The following SLC9A9 variants were observed in gnomAD, a reference collection of about 807,000 sequenced individuals.
SLC9A9 encodes solute carrier family 9 member A9, also known as sodium/hydrogen exchanger 9.
A neutral mutation model predicts 77.8 loss-of-function variants in SLC9A9; 62 were observed. The ratio of observed to expected loss-of-function variants is 0.80; its 90% confidence interval spans 0.65 to 0.98. The LOEUF is 0.98. Among genes scored for constraint, SLC9A9 ranks in the 50% least tolerant of loss-of-function variants. The pLI is 0.00. For synonymous variants in SLC9A9, 320 were observed against 283.5 expected, an observed-to-expected ratio of 1.13 and a Z score of -1.29; for missense variants, 775 against 774.9, an observed-to-expected ratio of 1.00 and a Z score of 0.00.
chr3:143,690,913 A>G (rs1027015197), intron 5 of SLC9A9, among the ~76,000 whole-genome samples: 10 of 152,216 alleles, frequency 6.6e-5, no homozygotes, highest in Admixed American at 5.2e-4. Flanking sequence ...GGATTAGATT[A>G]GCATACCACT....
intron 4 of SLC9A9, among the ~76,000 whole-genome samples, chr3:143,700,859 CT>C (rs1933777674): frequency 6.6e-6 from 1 of 152,246 alleles, no homozygotes; most frequent in South Asian, 2.1e-4. Context: ...AGACCCAGTG[CT>C]GTGCTGGCTT....
chr3:143,834,348 C>T (rs1211625741), intron 1 of SLC9A9, among the ~76,000 whole-genome samples: 3 of 152,152 alleles, frequency 2.0e-5, no homozygotes, highest in African/African-American at 4.8e-5. Flanking sequence ...ATCATCTACA[C>T]TCTACGTGGC....
intron 2 of SLC9A9, among the ~76,000 whole-genome samples, chr3:143,824,602 A>T (rs572227090): frequency 6.6e-6 from 1 of 152,330 alleles, no homozygotes; most frequent in Non-Finnish European, 1.5e-5. Flanking sequence ...CAGGAAGTTA[A>T]ACCCCATGAG....
intron 6 of SLC9A9, among the ~76,000 whole-genome samples, chr3:143,579,001 C>T (rs2037411697): frequency 6.6e-6 from 1 of 152,088 alleles, no homozygotes; most frequent in African/African-American, 2.4e-5. Context: ...GCAAACTAGG[C>T]ATTAAAACAT....
At chr3:143,565,230 T>C (rs571341588) in intron 8 of SLC9A9, among the ~76,000 whole-genome samples, 35 of 152,270 alleles carry the variant, frequency 2.3e-4, no homozygotes, top group African/African-American at 8.4e-4. Flanking sequence ...TATTCTCCAT[T>C]TTGGTGAAAT....
intron 14 of SLC9A9, among the ~76,000 whole-genome samples, chr3:143,296,181 CT>C (rs1490964856): frequency 1.3e-5 from 2 of 152,152 alleles, no homozygotes; most frequent in Non-Finnish European, 2.9e-5. Context: ...TACTATTCAT[CT>C]TGTGTAACTG....
chr3:143,385,555 C>T (rs1248290381), intron 12 of SLC9A9, among the ~76,000 whole-genome samples: 1 of 152,204 alleles, frequency 6.6e-6, no homozygotes, highest in Non-Finnish European at 1.5e-5. Flanking sequence ...ATGGAACTGA[C>T]ATTATTTTAG....
intron 6 of SLC9A9, among the ~76,000 whole-genome samples, chr3:143,604,803 T>G (rs575190330): frequency 6.6e-6 from 1 of 152,322 alleles, no homozygotes; most frequent in Non-Finnish European, 1.5e-5. Context: ...TTTACAGTAC[T>G]CCCACTCAGC....
At chr3:143,792,347 T>C (rs2008249278) in intron 4 of SLC9A9, among the ~76,000 whole-genome samples, 1 of 152,218 alleles carries the variant, frequency 6.6e-6, no homozygotes, top group Admixed American at 6.5e-5. Context: ...TCTTCAGAAG[T>C]TCTGAAATTA....
At chr3:143,679,694 G>A (rs946845101) in intron 5 of SLC9A9, among the ~76,000 whole-genome samples, 1 of 151,860 alleles carries the variant, frequency 6.6e-6, no homozygotes. Flanking sequence ...TCTCCAATAC[G>A]TATTGCCAAT....
chr3:143,821,492 A>G (rs2009165548), intron 2 of SLC9A9, among the ~76,000 whole-genome samples: 1 of 152,198 alleles, frequency 6.6e-6, no homozygotes, highest in Non-Finnish European at 1.5e-5. Flanking sequence ...TGAAAATGTG[A>G]TGCTCTAACA....
At chr3:143,298,734 A>G (rs931437911) in intron 14 of SLC9A9, among the ~76,000 whole-genome samples, 5 of 152,206 alleles carry the variant, frequency 3.3e-5, no homozygotes, top group Admixed American at 2.0e-4. Flanking sequence ...CCCAAAGACA[A>G]AGAAGATTAT....
intron 12 of SLC9A9, among the ~76,000 whole-genome samples, chr3:143,462,457 T>A (rs910667733): frequency 6.6e-5 from 10 of 152,310 alleles, no homozygotes; most frequent in African/African-American, 2.4e-4. Context: ...GCTAACAAAT[T>A]TTTTTACTGA....
At chr3:143,776,570 C>T (rs1244570044) in intron 4 of SLC9A9, among the ~76,000 whole-genome samples, 2 of 151,838 alleles carry the variant, frequency 1.3e-5, no homozygotes, top group Admixed American at 1.3e-4. Flanking sequence ...GGGCAATATG[C>T]CATTCAAAAT....
intron 14 of SLC9A9, among the ~76,000 whole-genome samples, chr3:143,321,966 C>A (rs2031437512): frequency 6.6e-6 from 1 of 152,170 alleles, no homozygotes; most frequent in Admixed American, 6.5e-5. Flanking sequence ...TCTACCCTAA[C>A]TGGATCATCT....
intron 6 of SLC9A9, among the ~76,000 whole-genome samples, chr3:143,626,517 C>CA (rs1216730572): frequency 2.7e-5 from 4 of 147,780 alleles, no homozygotes; most frequent in South Asian, 2.2e-4. Flanking sequence ...ATCGCAAGGA[C>CA]AAAAAACCAA....
chr3:143,588,296 G>T (rs1420821083), intron 6 of SLC9A9, among the ~76,000 whole-genome samples: 1 of 152,148 alleles, frequency 6.6e-6, no homozygotes, highest in East Asian at 1.9e-4. Context: ...GCCAGGAAAG[G>T]TAGTAAGGTA....
intron 13 of SLC9A9, among the ~76,000 whole-genome samples, chr3:143,376,348 G>A (rs898899438): frequency 6.6e-6 from 1 of 152,244 alleles, no homozygotes; most frequent in Admixed American, 6.5e-5. Context: ...TGGATGTGGT[G>A]CAATGGTGAG....
At chr3:143,453,565 G>A (rs1177462713) in intron 12 of SLC9A9, among the ~76,000 whole-genome samples, 1 of 152,072 alleles carries the variant, frequency 6.6e-6, no homozygotes, top group Non-Finnish European at 1.5e-5. Context: ...GAAGAAAACT[G>A]TATGATTATC....
Sources: gnomAD v4.1 joint callset for allele counts (sites outside exome capture counted in the v4.1 genomes callset) on GRCh38, gnomAD v4.1.1 for gene constraint, MANE v1.5 for transcripts, NCBI Gene and HGNC (gene_info 2026-07-23, HGNC 2026-07-21) for gene names.